PSPC1: variants seen among roughly 807,000 people sequenced by gnomAD.
PSPC1 encodes the protein paraspeckle protein 1.
In PSPC1, 14 loss-of-function variants were observed where a neutral mutation model predicts 51.6. The ratio of observed to expected loss-of-function variants is 0.27; its 90% CI spans 0.18 to 0.42. PSPC1 has a LOEUF of 0.42. Ranked by LOEUF, PSPC1 falls within the 10% of genes least tolerant of loss-of-function variation. PSPC1 has a pLI of 1.00. For missense variants in PSPC1, 406 were observed against 701.1 expected, an observed-to-expected ratio of 0.58 and a Z score of 4.75; for synonymous variants, 193 against 231.9, an observed-to-expected ratio of 0.83 and a Z score of 1.53.
intron 1 of PSPC1, among the ~76,000 whole-genome samples, chr13:19,780,183 G>C (rs1405802955): frequency 1.2e-4 from 14 of 121,464 alleles, no homozygotes; most frequent in Middle Eastern, 4.4e-3. Flanking sequence ...CCGGGAGGGA[G>C]GTGGGGGGGG....
chr13:19,681,133 T>G (rs943512558), intron 6 of PSPC1, among the ~76,000 whole-genome samples: 1 of 152,150 alleles, frequency 6.6e-6, no homozygotes, highest in Non-Finnish European at 1.5e-5. Context: ...GAGAATCACT[T>G]GAGCCCAGGA....
At chr13:19,759,714 T>C (rs1887430334) in intron 2 of PSPC1, among the ~76,000 whole-genome samples, 1 of 151,908 alleles carries the variant, frequency 6.6e-6, no homozygotes, top group South Asian at 2.1e-4. Context: ...TACAAAAAAT[T>C]AGCCGGGCAT....
At chr13:19,678,269 G>A (rs1876886048) in intron 6 of PSPC1, 1 of 158,764 alleles carries the variant, frequency 6.3e-6, no homozygotes, top group Non-Finnish European at 1.4e-5. Context: ...TATTCCACTT[G>A]TACCAAGGCA....
downstream of PSPC1, among the ~76,000 whole-genome samples, chr13:19,702,346 C>G (rs1490817990): frequency 6.6e-6 from 1 of 152,154 alleles, no homozygotes; most frequent in Non-Finnish European, 1.5e-5. Flanking sequence ...TCACAGCCAA[C>G]CCAACAGTAT....
chr13:19,673,237 A>G (rs184657198), downstream of PSPC1: 6 of 417,958 alleles, frequency 1.4e-5, no homozygotes, highest in African/African-American at 1.3e-4. Flanking sequence ...CTGCTTCTGT[A>G]TGGCAAGCAT....
chr13:19,771,644 TGA>T lies in PSPC1; in HGVS notation c.674+596_674+597del, dbSNP rs201451439. Reference sequence around the variant, plus strand: ...AGAGATGAGGTTTTGTTTTTTTTTTTGAGACAGAGTCTGTCACCCAGGCTGGA... The same window carrying T: ...AGAGATGAGGTTTTGTTTTTTTTTTTGACAGAGTCTGTCACCCAGGCTGGA... On this transcript the variant is annotated intron_variant, in intron 2 of 8. Transcript: ENST00000338910. Among the ~76,000 whole-genome samples the T allele has an allele frequency of 4.9e-3, 735 of 150,302 alleles. 7 individuals carry two copies. Among genetic ancestry groups the T allele is most frequent in the African/African-American group, 0.017 (682 of 40,950 alleles).
rs969124951 is a variant in PSPC1, at chr13:19,707,713, G to T, written c.1216+1829C>A. 1.4e-3 allele frequency among the ~76,000 whole-genome samples: 218 copies of T among 152,216 alleles called. 2 individuals carry two copies. Among genetic ancestry groups the T allele is most frequent in the African/African-American group, 4.9e-3 (204 of 41,550 alleles). The stretch of plus-strand genomic sequence containing the variant: ...AATAAGGACTCTAAAGGCATATTCT[G>T]ATATTTCTTCTGATAAAATTGCAGA... On this transcript the variant is annotated intron_variant, in intron 7 of 8. Transcript: ENST00000338910.
At chr13:19,674,789 A>T (rs1169244644) in exon 8 of PSPC1, 1 of 152,268 alleles carries the variant, frequency 6.6e-6, no homozygotes, top group Non-Finnish European at 1.5e-5. Context: ...CATGCAGTTA[A>T]CATGCTTCAA....
At chr13:19,746,705 A>G (rs962563154) in intron 4 of PSPC1, among the ~76,000 whole-genome samples, 4 of 152,356 alleles carry the variant, frequency 2.6e-5, no homozygotes, top group Admixed American at 1.3e-4. Context: ...CATCTCAAAA[A>G]AAAATTTTTT....
chr13:19,760,125 T>C (rs1385532792), intron 2 of PSPC1, among the ~76,000 whole-genome samples: 1 of 152,118 alleles, frequency 6.6e-6, no homozygotes, highest in African/African-American at 2.4e-5. Context: ...AAGTGAGACA[T>C]TTTCTAAATA....
chr13:19,777,945 CA>C (rs1007157116), intron 1 of PSPC1, among the ~76,000 whole-genome samples: 1 of 150,752 alleles, frequency 6.6e-6, no homozygotes, highest in Non-Finnish European at 1.5e-5. Flanking sequence ...GACTCCCTCT[CA>C]AAAAAACAGT....
chr13:19,766,577 CGGAA>C (rs1888088787), intron 2 of PSPC1, among the ~76,000 whole-genome samples: 1 of 151,922 alleles, frequency 6.6e-6, no homozygotes, highest in Non-Finnish European at 1.5e-5. Flanking sequence ...CCCAGCTACT[CGGAA>C]GGCTGAGGTG....
intron 5 of PSPC1, among the ~76,000 whole-genome samples, chr13:19,736,560 G>A (rs748456212): frequency 1.1e-4 from 16 of 152,212 alleles, no homozygotes; most frequent in South Asian, 6.2e-4. Flanking sequence ...ACAGGCGCCT[G>A]TAATCCTAGC....
intron 1 of PSPC1, among the ~76,000 whole-genome samples, chr13:19,780,978 G>C (rs1035280580): frequency 6.6e-6 from 1 of 151,730 alleles, no homozygotes; most frequent in African/African-American, 2.4e-5. Context: ...ACAACATGGC[G>C]AAACACCGCC....
At chr13:19,721,383 AT>A (rs1314452201) in intron 6 of PSPC1, among the ~76,000 whole-genome samples, 1 of 152,172 alleles carries the variant, frequency 6.6e-6, no homozygotes, top group Non-Finnish European at 1.5e-5. Flanking sequence ...CTCTTCTCCG[AT>A]TGCTCAAAAA....
chr13:19,733,375 C>A (rs1208073486), intron 5 of PSPC1, among the ~76,000 whole-genome samples: 12 of 152,240 alleles, frequency 7.9e-5, no homozygotes, highest in Middle Eastern at 6.8e-3. Flanking sequence ...CACCTGTAAT[C>A]CCAGGATTAC....
At chr13:19,713,502 T>C (rs1881702216) in intron 6 of PSPC1, among the ~76,000 whole-genome samples, 1 of 132,858 alleles carries the variant, frequency 7.5e-6, no homozygotes, top group Non-Finnish European at 1.5e-5. Flanking sequence ...CGAGATACTT[T>C]CATTCTTCAA....
chr13:19,751,058 C>A (rs776347773), intron 4 of PSPC1, among the ~76,000 whole-genome samples: 1 of 151,804 alleles, frequency 6.6e-6, no homozygotes, highest in African/African-American at 2.4e-5. Flanking sequence ...CGTGAGCCAC[C>A]GCGCCCGTCA....
downstream of PSPC1, chr13:19,671,807 G>C (rs1876145507): frequency 1.9e-6 from 3 of 1,612,350 alleles, no homozygotes; most frequent in Non-Finnish European, 2.5e-6. Context: ...GATCTGTACT[G>C]ACACCTGCGT....
Sources: allele counts gnomAD v4.1 joint callset (sites outside exome capture counted in the v4.1 genomes callset), GRCh38; gene constraint gnomAD v4.1.1; transcripts MANE v1.5; gene names NCBI Gene and HGNC (gene_info 2026-07-23, HGNC 2026-07-21).